Variants in ARHGAP10 observed in about 807,000 individuals in gnomAD.
ARHGAP10 encodes rho GTPase-activating protein 10.
A neutral mutation model predicts 108.6 loss-of-function variants in ARHGAP10; 87 were observed. That is an observed-to-expected ratio of 0.80 (90% confidence interval 0.67 to 0.96). The LOEUF is 0.96. Ranked by LOEUF, ARHGAP10 falls within the 40% of genes least tolerant of loss-of-function variation. The pLI is 0.00. For synonymous variants in ARHGAP10, 347 were observed against 341.1 expected, an observed-to-expected ratio of 1.02 and a Z score of -0.19; for missense variants, 939 against 954.5, an observed-to-expected ratio of 0.98 and a Z score of 0.21.
rs977780246 is a variant in ARHGAP10, at chr4:148,072,650, C to CTGCACTGGCAGCG, written c.*579_*591dup. ...GGCCACCTGCAGGACCCCACACTCACTGCACTGGCAGCGTGCACTGGCGTA... is the reference window on the plus strand; with the variant it reads ...GGCCACCTGCAGGACCCCACACTCACTGCACTGGCAGCGTGCACTGGCAGCGTGCACTGGCGTA... On this transcript the variant is annotated 3_prime_UTR_variant, in exon 23 of 23. Transcript: ENST00000336498. The CTGCACTGGCAGCG allele has an allele frequency of 6.6e-6, 1 of 152,274 alleles. No homozygotes were observed. Among genetic ancestry groups the CTGCACTGGCAGCG allele is most frequent in the Non-Finnish European group, 1.5e-5 (1 of 68,126 alleles). The allele number at this position is 152,274 out of a possible 1,614,324, so 9.4% of individuals were successfully genotyped here. A position where few individuals can be genotyped will look rare whatever the true frequency, so the allele number is the denominator to read the frequency against.
chr4:147,896,485 T>C (rs1207137838), intron 10 of ARHGAP10, among the ~76,000 whole-genome samples: 1 of 152,200 alleles, frequency 6.6e-6, no homozygotes, highest in Non-Finnish European at 1.5e-5. Context: ...ATAAATGTCA[T>C]ATCTACTTGT....
At chr4:147,877,709 C>G (rs1462130586) in intron 8 of ARHGAP10, among the ~76,000 whole-genome samples, 1 of 151,988 alleles carries the variant, frequency 6.6e-6, no homozygotes, top group Non-Finnish European at 1.5e-5. Context: ...CCTGTGAGCC[C>G]TGATGGTGGT....
chr4:147,930,984 G>A (rs1372470930), intron 13 of ARHGAP10, among the ~76,000 whole-genome samples: 1 of 152,200 alleles, frequency 6.6e-6, no homozygotes, highest in Non-Finnish European at 1.5e-5. Context: ...TTCCATGCAG[G>A]TGTTTTCTGG....
intron 18 of ARHGAP10, among the ~76,000 whole-genome samples, chr4:147,975,058 T>G (rs1224961820): frequency 6.6e-6 from 1 of 152,196 alleles, no homozygotes; most frequent in Non-Finnish European, 1.5e-5. Context: ...ATCATAGCCT[T>G]TATGTATTAC....
intron 18 of ARHGAP10, among the ~76,000 whole-genome samples, chr4:147,970,600 G>A (rs1256924879): frequency 2.6e-5 from 4 of 152,118 alleles, no homozygotes; most frequent in Non-Finnish European, 5.9e-5. Flanking sequence ...CTCCAGGAAA[G>A]TCACTAAAGC....
At chr4:147,801,922 C>T (rs529855652) in intron 1 of ARHGAP10, among the ~76,000 whole-genome samples, 151 of 152,192 alleles carry the variant, frequency 9.9e-4, no homozygotes, top group Middle Eastern at 3.4e-3. Context: ...AAAATGGAGC[C>T]GGAGTTGAAC....
At chr4:147,899,096 C>A (rs1476357393) in intron 10 of ARHGAP10, among the ~76,000 whole-genome samples, 1 of 152,168 alleles carries the variant, frequency 6.6e-6, no homozygotes, top group Non-Finnish European at 1.5e-5. Context: ...GTCTCTCAGT[C>A]CTGCTCTCAG....
Position 147,754,517 on chromosome 4 carries a change from A to G in ARHGAP10, c.154+22062A>G, listed in dbSNP as rs1400690545. ...CCAAACTGCCTCCAGATAGAAAGAA[A>G]AGCTCAGTGGGGGTTGTTAGAAATT... is the stretch of plus-strand genomic sequence containing the variant. On this transcript the variant is annotated intron_variant, in intron 1 of 22. Transcript: ENST00000336498. 2.0e-5 allele frequency among the ~76,000 whole-genome samples: 3 copies of G among 152,200 alleles called. 1 individual carries two copies. The highest frequency in any genetic ancestry group is 7.2e-5 in the African/African-American group (3 of 41,452).
chr4:147,870,236 A>G (rs1433641301), intron 7 of ARHGAP10, among the ~76,000 whole-genome samples: 1 of 151,614 alleles, frequency 6.6e-6, no homozygotes, highest in East Asian at 1.9e-4. Flanking sequence ...ATTTTTTTGT[A>G]TTTTTTGATA....
chr4:147,755,951 G>A (rs185395424), intron 1 of ARHGAP10, among the ~76,000 whole-genome samples: 2 of 152,128 alleles, frequency 1.3e-5, no homozygotes, highest in East Asian at 3.9e-4. Flanking sequence ...AGAATAGCCA[G>A]TTATCAACTG....
At chr4:147,954,757 CT>C (rs1738726309) in intron 15 of ARHGAP10, among the ~76,000 whole-genome samples, 1 of 151,858 alleles carries the variant, frequency 6.6e-6, no homozygotes, top group Non-Finnish European at 1.5e-5. Flanking sequence ...CCTTATGTAA[CT>C]TGTTTTGTAG....
chr4:147,901,043 AAT>A (rs1443712851), intron 10 of ARHGAP10, among the ~76,000 whole-genome samples: 1 of 152,176 alleles, frequency 6.6e-6, no homozygotes, highest in Non-Finnish European at 1.5e-5. Flanking sequence ...TTATTAATAA[AAT>A]ATGTCCTTTG....
chr4:147,972,947 G>A (rs1739464683), intron 18 of ARHGAP10, among the ~76,000 whole-genome samples: 2 of 151,934 alleles, frequency 1.3e-5, no homozygotes, highest in Non-Finnish European at 1.5e-5. Context: ...TAGAGATGGG[G>A]TTTCTTCATG....
chr4:147,892,369 A>C (rs1039080602), intron 10 of ARHGAP10, among the ~76,000 whole-genome samples: 1 of 152,246 alleles, frequency 6.6e-6, no homozygotes, highest in Non-Finnish European at 1.5e-5. Context: ...TTTGTATAAC[A>C]CATTAACTGT....
intron 22 of ARHGAP10, 116 bp downstream of exon 22, chr4:148,064,623 A>G: frequency 2.2e-6 from 2 of 923,846 alleles, no homozygotes; most frequent in Admixed American, 2.3e-5. Flanking sequence ...CTCCCCCTTG[A>G]TGCTTTGGAC....
At chr4:147,945,851 T>C (rs1332125165) in intron 14 of ARHGAP10, among the ~76,000 whole-genome samples, 1 of 152,114 alleles carries the variant, frequency 6.6e-6, no homozygotes, top group African/African-American at 2.4e-5. Flanking sequence ...GTGGAACTTA[T>C]TAAGCTTAAG....
chr4:147,902,520 G>A (rs1736290655), intron 10 of ARHGAP10, among the ~76,000 whole-genome samples: 1 of 152,142 alleles, frequency 6.6e-6, no homozygotes, highest in Non-Finnish European at 1.5e-5. Flanking sequence ...CTTGTCAGGA[G>A]TGACCTGGTC....
At chr4:147,836,182 C>T (rs536374609) in intron 3 of ARHGAP10, among the ~76,000 whole-genome samples, 57 of 152,252 alleles carry the variant, frequency 3.7e-4, no homozygotes, top group African/African-American at 7.9e-4. Flanking sequence ...CATACTTGTT[C>T]GTAGAAGATA....
chr4:147,856,028 C>T (rs889558590), intron 4 of ARHGAP10, among the ~76,000 whole-genome samples: 3 of 152,054 alleles, frequency 2.0e-5, no homozygotes, highest in Admixed American at 1.3e-4. Flanking sequence ...GAGAATGTTC[C>T]TTTTTTAGGA....
Sources: gnomAD v4.1 joint callset for allele counts (sites outside exome capture counted in the v4.1 genomes callset) on GRCh38, gnomAD v4.1.1 for gene constraint, MANE v1.5 for transcripts, NCBI Gene and HGNC (gene_info 2026-07-23, HGNC 2026-07-21) for gene names.